DCLK1: variants seen among roughly 807,000 people sequenced by gnomAD.
The protein encoded by DCLK1 is doublecortin like kinase 1, also known as serine/threonine-protein kinase DCLK1.
DCLK1 carries 16 observed loss-of-function variants against 86.2 expected under a neutral mutation model. The observed-to-expected ratio is 0.19, with a 90% confidence interval of 0.13 to 0.28. The LOEUF is 0.28. DCLK1 is among the 10% of genes least tolerant of loss of function. The pLI is 1.00. For synonymous variants in DCLK1, 369 were observed against 370.5 expected (o/e 1.00, Z 0.05); for missense variants, 590 against 940.2 (o/e 0.63, Z 4.87).
intron 3 of DCLK1, among the ~76,000 whole-genome samples, chr13:36,019,743 T>C (rs900369862): frequency 3.9e-5 from 6 of 152,198 alleles, no homozygotes; most frequent in Non-Finnish European, 8.8e-5. Context: ...AATACAAAAA[T>C]TGCAACTACA....
chr13:36,052,303 C>T (rs910207130), intron 3 of DCLK1, among the ~76,000 whole-genome samples: 3 of 152,074 alleles, frequency 2.0e-5, no homozygotes, highest in Non-Finnish European at 4.4e-5. Context: ...AAAATCATCT[C>T]ACTACTCTTA....
intron 3 of DCLK1, among the ~76,000 whole-genome samples, chr13:36,066,980 C>T (rs891537789): frequency 6.8e-5 from 10 of 147,318 alleles, no homozygotes; most frequent in Non-Finnish European, 1.3e-4. Context: ...CTAGCTCAAC[C>T]ATTGTGGAAG....
intron 4 of DCLK1, among the ~76,000 whole-genome samples, chr13:35,905,487 C>A (rs1418717572): frequency 6.6e-6 from 1 of 152,194 alleles, no homozygotes; most frequent in Non-Finnish European, 1.5e-5. Flanking sequence ...AAGGTCAAAG[C>A]CCATGAGGTC....
At chr13:36,015,004 T>C (rs112558858) in intron 3 of DCLK1, among the ~76,000 whole-genome samples, 2 of 144,158 alleles carry the variant, frequency 1.4e-5, no homozygotes, top group East Asian at 2.1e-4. Context: ...CTCTCTCTCT[T>C]TCTCTCTCTC....
intron 6 of DCLK1, among the ~76,000 whole-genome samples, chr13:35,845,028 A>T (rs917202653): frequency 6.6e-6 from 1 of 152,212 alleles, no homozygotes; most frequent in African/African-American, 2.4e-5. Flanking sequence ...TGGGTGGATC[A>T]CTTGAGGTCA....
intron 6 of DCLK1, among the ~76,000 whole-genome samples, chr13:35,840,277 G>T (rs1869698552): frequency 1.3e-5 from 2 of 152,232 alleles, no homozygotes. Context: ...GAGGTTTGAT[G>T]TAATTTCATT....
chr13:35,942,939 T>C (rs924537512), intron 4 of DCLK1, among the ~76,000 whole-genome samples: 1 of 152,184 alleles, frequency 6.6e-6, no homozygotes, highest in Non-Finnish European at 1.5e-5. Context: ...TAAATAAACA[T>C]TAGTTTACTT....
chr13:35,798,323 TC>T (rs1179574633), intron 15 of DCLK1, among the ~76,000 whole-genome samples: 1 of 152,188 alleles, frequency 6.6e-6, no homozygotes, highest in African/African-American at 2.4e-5. Flanking sequence ...AAAATTCTCA[TC>T]CCCTTGCGGA....
At chr13:36,067,321 C>T (rs1465243986) in intron 3 of DCLK1, among the ~76,000 whole-genome samples, 2 of 148,834 alleles carry the variant, frequency 1.3e-5, no homozygotes, top group East Asian at 4.0e-4. Flanking sequence ...AAAAACCAAC[C>T]ACCACATGTT....
intron 3 of DCLK1, among the ~76,000 whole-genome samples, chr13:36,089,641 C>T (rs1884745288): frequency 6.6e-6 from 1 of 152,208 alleles, no homozygotes; most frequent in South Asian, 2.1e-4. Context: ...AAGAAATATA[C>T]AACAGGCAGT....
chr13:35,846,507 T>C (rs1396768412), intron 6 of DCLK1: 3 of 985,352 alleles, frequency 3.0e-6, no homozygotes, highest in African/African-American at 1.7e-5. Context: ...ATGAACCACA[T>C]TTTAAAGACA....
chr13:35,848,982 G>A (rs1212596843), intron 6 of DCLK1: 1 of 985,236 alleles, frequency 1.0e-6, no homozygotes, highest in Non-Finnish European at 1.2e-6. Flanking sequence ...TTTAAAACCT[G>A]AAGTCTGGAA....
At chr13:35,787,461 G>C (rs1487787164) in intron 16 of DCLK1, among the ~76,000 whole-genome samples, 1 of 151,912 alleles carries the variant, frequency 6.6e-6, no homozygotes, top group Non-Finnish European at 1.5e-5. Flanking sequence ...GGAAATGCCA[G>C]GGCAGTTGAC....
In DCLK1 at chr13:36,045,342, A is replaced by G. The variant is rs976780362; in HGVS notation, c.723+66527T>C. On this transcript the variant is annotated intron_variant, in intron 3 of 16. Coordinates refer to ENST00000360631, the MANE Select transcript of DCLK1 (RefSeq NM_001330071.2). ...TATGTGTGTGTGTGTGTATATATAT[A>G]TATATATATATATATATATATATAT... 4.1e-3 allele frequency among the ~76,000 whole-genome samples: 284 copies of G among 69,566 alleles called. 2 individuals carry two copies. The highest frequency in any genetic ancestry group is 0.015 in the African/African-American group (266 of 17,432). 45.6% of individuals were successfully genotyped at this position (69,566 alleles called of 152,430 possible).
chr13:36,017,347 T>A lies in DCLK1; in HGVS notation c.724-69890A>T, dbSNP rs549511687. Among the ~76,000 whole-genome samples, 13 of 152,202 alleles carry A rather than the reference T, an allele frequency of 8.5e-5. No homozygotes were observed. In the South Asian group the frequency reaches 2.7e-3, roughly 32 times the overall value. On this transcript the variant is annotated intron_variant, in intron 3 of 16. Coordinates refer to ENST00000360631, the MANE Select transcript of DCLK1 (RefSeq NM_001330071.2). Reference sequence around the variant, plus strand: ...GAAGAACAGAATGTCAAGAGCAAAATGTCATTTAGACTGATGAAGATAGAA... The same window carrying A: ...GAAGAACAGAATGTCAAGAGCAAAAAGTCATTTAGACTGATGAAGATAGAA...
At chr13:35,977,286 A>G (rs1483117491) in intron 3 of DCLK1, among the ~76,000 whole-genome samples, 1 of 152,114 alleles carries the variant, frequency 6.6e-6, no homozygotes, top group Non-Finnish European at 1.5e-5. Flanking sequence ...CAGATTGGGC[A>G]AGTTTTCCCC....
intron 3 of DCLK1, among the ~76,000 whole-genome samples, chr13:36,017,011 G>A (rs542803641): frequency 2.2e-4 from 34 of 152,286 alleles, no homozygotes; most frequent in African/African-American, 7.2e-4. Flanking sequence ...AAGGTTGCTC[G>A]ATTTGCCTTG....
At chr13:35,997,541 T>C (rs1246439026) in intron 3 of DCLK1, among the ~76,000 whole-genome samples, 1 of 152,220 alleles carries the variant, frequency 6.6e-6, no homozygotes, top group African/African-American at 2.4e-5. Context: ...CATCTATCAA[T>C]AGTTTTTAAT....
intron 3 of DCLK1, among the ~76,000 whole-genome samples, chr13:36,039,473 G>A (rs1345787595): frequency 3.3e-5 from 5 of 152,148 alleles, no homozygotes; most frequent in South Asian, 2.1e-4. Context: ...CAAAATGTGC[G>A]AACATCGGTG....
Sources: gnomAD v4.1 joint callset for allele counts (sites outside exome capture counted in the v4.1 genomes callset) on GRCh38, gnomAD v4.1.1 for gene constraint, MANE v1.5 for transcripts, NCBI Gene and HGNC (gene_info 2026-07-23, HGNC 2026-07-21) for gene names.